The following CHRDL1 variants were observed in gnomAD, a reference collection of about 807,000 sequenced individuals.
CHRDL1 encodes the protein chordin like 1, also known as chordin-like protein 1.
In CHRDL1, 19 loss-of-function variants were observed where a neutral mutation model predicts 40.9. The observed-to-expected ratio is 0.46, with a 90% CI of 0.32 to 0.68. CHRDL1 has a LOEUF of 0.68. Ranked by LOEUF, CHRDL1 falls within the 30% of genes least tolerant of loss-of-function variation. The pLI is 0.03. For missense variants in CHRDL1, 329 were observed against 352.1 expected, an observed-to-expected ratio of 0.93 and a Z score of 0.53; for synonymous variants, 136 against 123.4, an observed-to-expected ratio of 1.10 and a Z score of -0.68.
At chrX:110,688,503 T>C in intron 9 of CHRDL1, 91 bp downstream of exon 9, 1 of 568,590 alleles carries the variant, frequency 1.8e-6, no homozygotes, top group Non-Finnish European at 3.0e-6. Flanking sequence ...TACAATTATA[T>C]GAAAGGTTAT....
At chrX:110,742,857 A>G (rs976109283) in intron 4 of CHRDL1, among the ~76,000 whole-genome samples, 5 of 111,762 alleles carry the variant, frequency 4.5e-5, no homozygotes, top group African/African-American at 1.6e-4. Flanking sequence ...TCAAGGTATA[A>G]CTTTCTGTAG....
At chrX:110,745,766 A>G (rs992808952) in intron 4 of CHRDL1, among the ~76,000 whole-genome samples, 1 of 112,283 alleles carries the variant, frequency 8.9e-6, no homozygotes, top group Non-Finnish European at 1.9e-5. Context: ...CCTCAGCACC[A>G]TACATGGGCT....
chrX:110,690,497 C>T (rs781114352), intron 8 of CHRDL1, among the ~76,000 whole-genome samples: 22 of 110,541 alleles, frequency 2.0e-4, no homozygotes, highest in African/African-American at 6.9e-4. Context: ...ATGAAAATTT[C>T]CTTGGGAGAT....
chrX:110,702,608 A>G (rs2070537509), intron 6 of CHRDL1, among the ~76,000 whole-genome samples: 1 of 111,513 alleles, frequency 9.0e-6, no homozygotes, highest in South Asian at 3.8e-4. Context: ...CTGTGTTACT[A>G]TATCACCATC....
chrX:110,750,976 T>C (rs2148497288), intron 4 of CHRDL1, among the ~76,000 whole-genome samples: 1 of 111,965 alleles, frequency 8.9e-6, no homozygotes, highest in African/African-American at 3.2e-5. Flanking sequence ...CTGCAAGATC[T>C]TACCCAGAAC....
intron 6 of CHRDL1, among the ~76,000 whole-genome samples, chrX:110,701,787 C>A (rs56838434): frequency 0.031 from 3,412 of 111,423 alleles, 119 homozygotes; most frequent in African/African-American, 0.1. Flanking sequence ...GCATTCCAGC[C>A]TGGGCAACAG....
At chrX:110,784,645 C>A (rs1373806130) in intron 2 of CHRDL1, among the ~76,000 whole-genome samples, 1 of 111,387 alleles carries the variant, frequency 9.0e-6, no homozygotes, top group Non-Finnish European at 1.9e-5. Context: ...AACTCCTGAC[C>A]TCGTGATTCA....
chrX:110,720,027 G>T, intron 5 of CHRDL1, 99 bp from the exon 6 acceptor site: 2 of 463,184 alleles, frequency 4.3e-6, no homozygotes, highest in African/African-American at 2.4e-5. Context: ...AACACGGCAT[G>T]TCCTTCCCCC....
chrX:110,746,300 TA>T (rs2089251755), intron 4 of CHRDL1, among the ~76,000 whole-genome samples: 1 of 110,357 alleles, frequency 9.1e-6, no homozygotes, highest in African/African-American at 3.3e-5. Context: ...CAAACAGGAG[TA>T]AGGCAGCCTA....
intron 2 of CHRDL1, among the ~76,000 whole-genome samples, chrX:110,764,350 G>A (rs777921129): frequency 8.9e-5 from 10 of 112,266 alleles, no homozygotes; most frequent in African/African-American, 3.2e-4. Context: ...CAGGGACCCC[G>A]AACAGAGGGA....
intron 2 of CHRDL1, among the ~76,000 whole-genome samples, chrX:110,778,655 A>AC (rs2089890972): frequency 8.9e-6 from 1 of 111,787 alleles, no homozygotes; most frequent in Non-Finnish European, 1.9e-5. Flanking sequence ...GCTGGAGAGG[A>AC]TGTAAAATAG....
At chrX:110,688,869 C>T in intron 8 of CHRDL1, 66 bp from the exon 9 acceptor site, 1 of 834,254 alleles carries the variant, frequency 1.2e-6, no homozygotes, top group South Asian at 2.2e-5. Context: ...ATATTCAGAA[C>T]CCAAGCCCTG....
intron 6 of CHRDL1, among the ~76,000 whole-genome samples, chrX:110,706,046 A>G (rs12014360): frequency 0.025 from 2,771 of 111,149 alleles, 72 homozygotes; most frequent in African/African-American, 0.085. Flanking sequence ...TTATAAGGCT[A>G]TAAGTGGTTC....
intron 4 of CHRDL1, among the ~76,000 whole-genome samples, chrX:110,730,934 T>G (rs766493904): frequency 8.9e-6 from 1 of 111,989 alleles, no homozygotes; most frequent in Non-Finnish European, 1.9e-5. Context: ...CATACATCCT[T>G]TGGCCTCCCA....
intron 4 of CHRDL1, among the ~76,000 whole-genome samples, chrX:110,738,095 C>T (rs2071293750): frequency 8.9e-6 from 1 of 111,907 alleles, no homozygotes; most frequent in African/African-American, 3.3e-5. Context: ...TCATCTAATC[C>T]CTAAATGTTT....
chrX:110,688,073 G>A (rs2070063040), intron 9 of CHRDL1, among the ~76,000 whole-genome samples: 1 of 110,899 alleles, frequency 9.0e-6, no homozygotes, highest in Non-Finnish European at 1.9e-5. Flanking sequence ...AGTGTTAGAA[G>A]GGAGCTTAGA....
intron 6 of CHRDL1, among the ~76,000 whole-genome samples, chrX:110,701,036 G>A (rs753450905): frequency 4.1e-4 from 46 of 111,847 alleles, no homozygotes; most frequent in African/African-American, 7.8e-4. Context: ...ATTTTACTTC[G>A]TGACAGTTAA....
chrX:110,712,634 C>A (rs767352289), intron 6 of CHRDL1, among the ~76,000 whole-genome samples: 5 of 109,775 alleles, frequency 4.6e-5, no homozygotes, highest in African/African-American at 1.7e-4. Flanking sequence ...TTTGGGAGGC[C>A]GAGGCAGGAG....
intron 2 of CHRDL1, 80 bp from the exon 3 acceptor site, chrX:110,762,887 A>G: frequency 1.7e-6 from 1 of 573,273 alleles, no homozygotes; most frequent in East Asian, 3.4e-5. Flanking sequence ...CACAAGTTCC[A>G]TCCATTTTAT....
Sources: allele counts gnomAD v4.1 joint callset (sites outside exome capture counted in the v4.1 genomes callset), GRCh38; gene constraint gnomAD v4.1.1; transcripts MANE v1.5; gene names NCBI Gene and HGNC (gene_info 2026-07-23, HGNC 2026-07-21).